Variants in CDC42BPA observed in about 807,000 individuals in gnomAD.
The protein encoded by CDC42BPA is CDC42 binding protein kinase alpha, also known as serine/threonine-protein kinase MRCK alpha.
CDC42BPA carries 80 observed loss-of-function variants against 223.5 expected under a neutral mutation model. That is an observed-to-expected ratio of 0.36 (90% CI 0.30 to 0.43). The LOEUF (loss-of-function observed/expected upper bound fraction) is 0.43, where lower values mean the gene tolerates loss of function less well. Among genes scored for constraint, CDC42BPA ranks in the 20% least tolerant of loss-of-function variants. The pLI is 1.00. For synonymous variants in CDC42BPA, 694 were observed against 718.6 expected, an observed-to-expected ratio of 0.97 and a Z score of 0.55; for missense variants, 1,743 against 2,099.9, an observed-to-expected ratio of 0.83 and a Z score of 3.32.
chr1:227,142,890 T>A (rs911922803), intron 9 of CDC42BPA, 55 bp downstream of exon 9: 1 of 1,228,690 alleles, frequency 8.1e-7, no homozygotes, highest in Non-Finnish European at 1.1e-6. Context: ...AGTGTTGGGA[T>A]TACAGGCGTG....
intron 1 of CDC42BPA, among the ~76,000 whole-genome samples, chr1:227,259,780 T>C (rs1026707607): frequency 2.0e-5 from 3 of 150,962 alleles, no homozygotes; most frequent in Non-Finnish European, 4.4e-5. Context: ...TTAGAAGTAA[T>C]AGTTTTATGT....
chr1:227,036,620 G>A (rs1422977549), intron 24 of CDC42BPA, among the ~76,000 whole-genome samples: 4 of 151,908 alleles, frequency 2.6e-5, no homozygotes, highest in East Asian at 1.9e-4. Flanking sequence ...TAGTAGAGAC[G>A]GGGTTTCACC....
chr1:227,005,218 C>T (rs2148366746), intron 34 of CDC42BPA, 107 bp from the exon 35 acceptor site: 2 of 756,032 alleles, frequency 2.6e-6, no homozygotes, highest in Non-Finnish European at 4.6e-6. Context: ...TCATCTTGAC[C>T]AGAATGACAC....
intron 1 of CDC42BPA, among the ~76,000 whole-genome samples, chr1:227,309,766 G>A (rs1693200721): frequency 6.6e-6 from 1 of 152,140 alleles, no homozygotes; most frequent in South Asian, 2.1e-4. Flanking sequence ...AATTAGAGCA[G>A]GAAAAGGTCA....
At chr1:227,250,456 C>T (rs1341054572) in intron 2 of CDC42BPA, among the ~76,000 whole-genome samples, 3 of 151,696 alleles carry the variant, frequency 2.0e-5, no homozygotes, top group Non-Finnish European at 2.9e-5. Context: ...CCACTGCACT[C>T]CAGCCTGGGC....
chr1:227,242,247 T>A (rs1680152877), intron 2 of CDC42BPA, among the ~76,000 whole-genome samples: 1 of 152,096 alleles, frequency 6.6e-6, no homozygotes, highest in African/African-American at 2.4e-5. Context: ...ATCTACAGAC[T>A]AGGGCAAGAA....
intron 1 of CDC42BPA, among the ~76,000 whole-genome samples, chr1:227,309,220 A>T (rs867609677): frequency 1.4e-4 from 19 of 138,878 alleles, no homozygotes; most frequent in South Asian, 8.8e-4. Context: ...AAAAAAAAAA[A>T]AATAAGCAAG....
intron 21 of CDC42BPA, among the ~76,000 whole-genome samples, chr1:227,064,836 G>A (rs1211196938): frequency 1.3e-5 from 2 of 152,126 alleles, no homozygotes; most frequent in Non-Finnish European, 2.9e-5. Flanking sequence ...GGTGGCTCAT[G>A]CCTGTAATCC....
chr1:227,034,261 G>A (rs960412271), intron 26 of CDC42BPA, among the ~76,000 whole-genome samples: 1 of 152,152 alleles, frequency 6.6e-6, no homozygotes, highest in African/African-American at 2.4e-5. Context: ...TTCAAGGGCT[G>A]TACTTACTTA....
intron 23 of CDC42BPA, among the ~76,000 whole-genome samples, chr1:227,042,297 G>GATATATATATATATATATATATAT (rs10544091): frequency 6.8e-6 from 1 of 147,608 alleles, no homozygotes; most frequent in African/African-American, 2.6e-5. Flanking sequence ...ATACATATAT[G>GATATATATATATATATATATATAT]ATATATATAT....
intron 34 of CDC42BPA, among the ~76,000 whole-genome samples, chr1:227,005,502 T>C (rs1663843244): frequency 6.6e-6 from 1 of 152,196 alleles, no homozygotes; most frequent in Non-Finnish European, 1.5e-5. Flanking sequence ...GATACGTCCA[T>C]TTGGAGAAAA....
intron 1 of CDC42BPA, among the ~76,000 whole-genome samples, chr1:227,293,640 A>G (rs1490412260): frequency 6.6e-6 from 1 of 152,012 alleles, no homozygotes; most frequent in African/African-American, 2.4e-5. Flanking sequence ...AGCCTAACCA[A>G]TATGGAGAAA....
chr1:227,307,631 A>T (rs1293644949), intron 1 of CDC42BPA, among the ~76,000 whole-genome samples: 1 of 152,190 alleles, frequency 6.6e-6, no homozygotes, highest in Non-Finnish European at 1.5e-5. Flanking sequence ...CAGCCACTGA[A>T]CTCTTAATTT....
At chr1:227,137,121 G>A (rs976532108) in intron 10 of CDC42BPA, among the ~76,000 whole-genome samples, 4 of 152,020 alleles carry the variant, frequency 2.6e-5, no homozygotes, top group Non-Finnish European at 5.9e-5. Flanking sequence ...GTTGTCTAAA[G>A]GTTTCTACGT....
At chr1:227,233,382 T>C (rs1235778411) in intron 2 of CDC42BPA, among the ~76,000 whole-genome samples, 1 of 152,062 alleles carries the variant, frequency 6.6e-6, no homozygotes, top group East Asian at 1.9e-4. Flanking sequence ...CAGTAACATA[T>C]AAAGCTGTAA....
intron 10 of CDC42BPA, among the ~76,000 whole-genome samples, chr1:227,132,253 C>A (rs909074304): frequency 5.9e-5 from 9 of 152,156 alleles, no homozygotes; most frequent in African/African-American, 2.2e-4. Context: ...GATTCTCCTG[C>A]CTCAGCCTGC....
At chr1:227,197,127 T>C (rs1280757497) in intron 4 of CDC42BPA, among the ~76,000 whole-genome samples, 1 of 152,198 alleles carries the variant, frequency 6.6e-6, no homozygotes, top group Non-Finnish European at 1.5e-5. Context: ...TTGCCACAGC[T>C]TTCTAGAACC....
chr1:227,074,467 A>C (rs993828237), intron 17 of CDC42BPA, 103 bp from the exon 18 acceptor site: 1 of 789,474 alleles, frequency 1.3e-6, no homozygotes, highest in Non-Finnish European at 2.0e-6. Context: ...GGAAATTCAA[A>C]GATAGTCTTA....
intron 20 of CDC42BPA, among the ~76,000 whole-genome samples, chr1:227,071,522 G>A (rs1318246092): frequency 6.6e-6 from 1 of 151,732 alleles, no homozygotes. Flanking sequence ...ATGGAAAAAT[G>A]TTCAAGTAAA....
Sources: allele counts gnomAD v4.1 joint callset (sites outside exome capture counted in the v4.1 genomes callset), GRCh38; gene constraint gnomAD v4.1.1; transcripts MANE v1.5; gene names NCBI Gene and HGNC (gene_info 2026-07-23, HGNC 2026-07-21).